The following DNM2 variants were observed in gnomAD, a reference collection of about 807,000 sequenced individuals.
The protein encoded by DNM2 is dynamin 2.
Under a neutral mutation model 99.0 loss-of-function variants are expected in DNM2, and 15 were observed. That is an observed-to-expected ratio of 0.15 (90% CI 0.10 to 0.23). DNM2 has a LOEUF of 0.23. Among genes scored for constraint, DNM2 ranks in the 10% least tolerant of loss-of-function variants. The probability of loss-of-function intolerance (pLI) is 1.00; values close to 1 mark genes in which losing one functional copy is unlikely to be tolerated. For synonymous variants in DNM2, 525 were observed against 481.2 expected (o/e 1.09, Z -1.19); for missense variants, 742 against 1,189.4 (o/e 0.62, Z 5.53).
intron 8 of DNM2, among the ~76,000 whole-genome samples, chr19:10,794,543 A>C (rs1478709815): frequency 6.6e-6 from 1 of 152,096 alleles, no homozygotes; most frequent in Admixed American, 6.6e-5. Flanking sequence ...GGAGTTCAAG[A>C]CCAGCCTGGG....
chr19:10,807,600 G>A (rs1273626934), intron 13 of DNM2, among the ~76,000 whole-genome samples: 4 of 140,472 alleles, frequency 2.8e-5, no homozygotes, highest in Non-Finnish European at 4.5e-5. Context: ...CAAGGCTGGA[G>A]TGCAGTGGCG....
chr19:10,741,004 G>T (rs979623513), intron 1 of DNM2, among the ~76,000 whole-genome samples: 3 of 152,128 alleles, frequency 2.0e-5, no homozygotes, highest in Admixed American at 2.0e-4. Flanking sequence ...AATACGGTGT[G>T]TCCTGGAGAA....
intron 1 of DNM2, among the ~76,000 whole-genome samples, chr19:10,731,601 G>A (rs1014334197): frequency 4.6e-5 from 7 of 152,294 alleles, no homozygotes; most frequent in African/African-American, 1.4e-4. Context: ...TGATCCACCC[G>A]CCTCGGCCTC....
chr19:10,767,283 G>T (rs887336584), intron 2 of DNM2, among the ~76,000 whole-genome samples: 2 of 151,944 alleles, frequency 1.3e-5, no homozygotes, highest in African/African-American at 4.8e-5. Context: ...AGAGGCCCAG[G>T]CTAGGCCCTC....
chr19:10,829,250 A>G lies in DNM2; in HGVS notation c.2273A>G (p.Gln758Arg), dbSNP rs1277136714. The change falls in exon 19 of 21, where the codon CAG becomes CGG. Residue 758 changes from glutamine to arginine, a missense_variant. By Grantham distance (43) the Gln-to-Arg change is conservative. This residue lies in a region of DNM2 where 187 missense variants were observed against 218.8 expected (regional missense o/e 0.85). Coordinates refer to ENST00000389253, the MANE Select transcript of DNM2 (RefSeq NM_001005361.3). ...VPPPVDDTWL[Q>R]SASSHSPTPQ... ...CCGCCTGTCGATGACACCTGGCTCC[A>G]GAGCGCCAGCAGCCACAGGTCCGGA... The G allele has an allele frequency of 1.9e-6, 3 of 1,613,570 alleles. No individual in the cohort carries two copies. Among genetic ancestry groups the G allele is most frequent in the Non-Finnish European group, 2.5e-6 (3 of 1,179,988 alleles).
In DNM2 at chr19:10,772,300, G is replaced by A. The variant is rs368108353; in HGVS notation, c.236-179G>A. ...TTCACCATGTTAGTGAGGATGGTCT[G>A]AATCTCCTGACCTTGTGATCTGCCC... On this transcript the variant is annotated intron_variant, in intron 2 of 20. Transcript: ENST00000389253. The surrounding 1 kb of genome is among the most constrained non-coding windows in gnomAD (Gnocchi z 4.9). Among the ~76,000 whole-genome samples the A allele has an allele frequency of 6.6e-6, 1 of 152,058 alleles. No individual in the cohort carries two copies. Among genetic ancestry groups the A allele is most frequent in the African/African-American group, 2.4e-5 (1 of 41,500 alleles).
intron 1 of DNM2, among the ~76,000 whole-genome samples, chr19:10,738,049 C>T (rs1196855600): frequency 1.3e-5 from 2 of 152,118 alleles, no homozygotes; most frequent in African/African-American, 2.4e-5. Flanking sequence ...GGCCTGGTTG[C>T]CACCAAGAGG....
intron 1 of DNM2, among the ~76,000 whole-genome samples, chr19:10,758,502 C>A (rs1477686332): frequency 2.0e-5 from 2 of 99,318 alleles, no homozygotes; most frequent in African/African-American, 9.3e-5. Flanking sequence ...TCCTTCCTTC[C>A]TCCCTTTCCT....
intron 6 of DNM2, chr19:10,786,335 G>A (rs1016786079): frequency 7.6e-6 from 5 of 661,982 alleles, no homozygotes; most frequent in Admixed American, 4.7e-5. Flanking sequence ...TGTCGGCCCC[G>A]TGGGCTGTTT....
Position 10,811,566 on chromosome 19 carries a change from G to C in DNM2, c.1558-698G>C, listed in dbSNP as rs949917636. ...CTCCGTGTGCTTCCTGCAGCTCCCAGGGCCCTCGTCCTGAGTGGGGTGGGG... is the reference window on the plus strand; with the variant it reads ...CTCCGTGTGCTTCCTGCAGCTCCCACGGCCCTCGTCCTGAGTGGGGTGGGG... On this transcript the variant is annotated intron_variant, in intron 14 of 20. Transcript: ENST00000389253. The surrounding 1 kb of genome is among the most constrained non-coding windows in gnomAD (Gnocchi z 5.4). The C allele has an allele frequency of 2.6e-6, 1 of 388,624 alleles. No individual in the cohort carries two copies. Among genetic ancestry groups the C allele is most frequent in the African/African-American group, 2.1e-5 (1 of 48,312 alleles). 24.1% of individuals were successfully genotyped at this position (388,624 alleles called of 1,614,324 possible).
rs747986436 is a variant in DNM2, at chr19:10,797,505, A to G, written c.1322A>G (p.Lys441Arg). 1.6e-5 allele frequency: 26 copies of G among 1,612,820 alleles called. No individual in the cohort carries two copies. Among genetic ancestry groups the G allele is most frequent in the Non-Finnish European group, 2.2e-5 (26 of 1,179,294 alleles). The change falls in exon 10 of 21, where the codon AAG (lysine) becomes AGG (arginine). Residue 441 changes from lysine (K) to arginine (R), a missense_variant. Physicochemically the swap from Lys to Arg is conservative, Grantham distance 26 (BLOSUM62 2). Coordinates refer to ENST00000389253, the MANE Select transcript of DNM2 (RefSeq NM_001005361.3). Reference protein sequence around the residue: ...VVSELATVIKKCAEKLSSYPR... With the variant: ...VVSELATVIKRCAEKLSSYPR... ...TCAGAGCTGGCCACGGTCATAAAAA[A>G]GTGTGCCGAGAAGGTAACAGGTTTT... is the stretch of plus-strand genomic sequence containing the variant.
chr19:10,815,831 A>G (rs960264267), intron 15 of DNM2, among the ~76,000 whole-genome samples: 1 of 152,216 alleles, frequency 6.6e-6, no homozygotes, highest in African/African-American at 2.4e-5. Flanking sequence ...CTGGCACCCA[A>G]CCCAGCCCCA....
At chr19:10,754,815 C>T (rs2070328570) in intron 1 of DNM2, among the ~76,000 whole-genome samples, 1 of 151,908 alleles carries the variant, frequency 6.6e-6, no homozygotes, top group African/African-American at 2.4e-5. Context: ...TGGTCTCGAA[C>T]TCCTGACTTC....
intron 16 of DNM2, among the ~76,000 whole-genome samples, chr19:10,822,842 C>G (rs1224466638): frequency 6.6e-6 from 1 of 150,998 alleles, no homozygotes; most frequent in African/African-American, 2.4e-5. Context: ...CACGGGGGCT[C>G]ACGCCTGTAA....
In DNM2 at chr19:10,746,736, T is replaced by TTG. The variant is rs1555700260; in HGVS notation, c.162-13001_162-13000insGT. Among the ~76,000 whole-genome samples, 4 of 137,528 alleles carry TTG rather than the reference T, an allele frequency of 2.9e-5. No homozygotes were observed. The East Asian group carries it at 8.7e-4, about 30-fold the overall frequency. The allele number at this position is 137,528 out of a possible 152,430, so 90.2% of individuals were successfully genotyped here. ...TGCCGGCTTTTTTTTTGTTTTTTGT[T>TTG]TTTTTTTTTTTTGAGACAGTCTCAC... On this transcript the variant is annotated intron_variant, in intron 1 of 20. Coordinates refer to ENST00000389253, the MANE Select transcript of DNM2 (RefSeq NM_001005361.3).
intron 1 of DNM2, among the ~76,000 whole-genome samples, chr19:10,734,872 G>A (rs2069467424): frequency 6.7e-6 from 1 of 149,832 alleles, no homozygotes; most frequent in Admixed American, 6.8e-5. Flanking sequence ...TTTCTGGTCT[G>A]GGAAGCAACT....
chr19:10,759,919 A>G (rs2070560407), intron 2 of DNM2, 108 bp downstream of exon 2: 3 of 1,439,266 alleles, frequency 2.1e-6, no homozygotes, highest in Admixed American at 3.4e-5. Flanking sequence ...GTCATTGGAC[A>G]TTGAATTCAC....
intron 1 of DNM2, among the ~76,000 whole-genome samples, chr19:10,724,083 CAAAA>C (rs1203230743): frequency 3.4e-5 from 2 of 58,798 alleles, no homozygotes; most frequent in Non-Finnish European, 3.7e-5. Flanking sequence ...GACCTCGTCT[CAAAA>C]AAAAAAAAAA....
intron 11 of DNM2, 120 bp downstream of exon 11, chr19:10,798,692 A>G: frequency 9.1e-7 from 1 of 1,099,038 alleles, no homozygotes; most frequent in Non-Finnish European, 1.4e-6. Context: ...ATCAAGATAC[A>G]GAGCGGTTCC....
Sources: allele counts gnomAD v4.1 joint callset (sites outside exome capture counted in the v4.1 genomes callset), GRCh38; gene constraint gnomAD v4.1.1; regional missense constraint gnomAD v4.1.1; non-coding constraint Gnocchi (gnomAD v3.1); transcripts MANE v1.5; gene names NCBI Gene and HGNC (gene_info 2026-07-23, HGNC 2026-07-21).